Variants in USH2A observed in about 807,000 individuals in gnomAD.
The protein encoded by USH2A is usherin, also known as Usher syndrome 2A (autosomal recessive, mild).
Under a neutral mutation model 538.9 loss-of-function variants are expected in USH2A, and 443 were observed. The ratio of observed to expected loss-of-function variants is 0.82; its 90% confidence interval spans 0.76 to 0.89. The LOEUF (loss-of-function observed/expected upper bound fraction) is 0.89, where lower values mean the gene tolerates loss of function less well. USH2A is among the 40% of genes least tolerant of loss of function. USH2A has a pLI of 0.00. For synonymous variants in USH2A, 2,413 were observed against 2,273.5 expected (o/e 1.06, Z -1.75); for missense variants, 6,633 against 6,324.8 (o/e 1.05, Z -1.65).
intron 43 of USH2A, among the ~76,000 whole-genome samples, chr1:215,868,552 TG>T (rs1363492020): frequency 6.6e-5 from 10 of 152,176 alleles, no homozygotes; most frequent in African/African-American, 9.7e-5. Flanking sequence ...TCTGCTGTAG[TG>T]GGTTGAACTG....
intron 26 of USH2A, among the ~76,000 whole-genome samples, chr1:216,078,593 T>C (rs1255629623): frequency 6.6e-6 from 1 of 152,168 alleles, no homozygotes; most frequent in African/African-American, 2.4e-5. Context: ...TCATACCTAC[T>C]AATGATTATA....
chr1:215,865,327 T>C (rs1280323897), intron 44 of USH2A, among the ~76,000 whole-genome samples: 1 of 152,136 alleles, frequency 6.6e-6, no homozygotes, highest in Non-Finnish European at 1.5e-5. Flanking sequence ...ATCCCGAAGG[T>C]CAGAGGTTCA....
intron 3 of USH2A, among the ~76,000 whole-genome samples, chr1:216,375,038 A>G (rs1456490436): frequency 2.6e-5 from 4 of 152,148 alleles, no homozygotes; most frequent in South Asian, 2.1e-4. Flanking sequence ...TATAGGGAAT[A>G]TGAATATAGA....
Position 215,628,997 on chromosome 1 carries a change from A to C in USH2A, c.15336T>G (p.Pro5112=). Residue 5112 remains proline (P), a synonymous_variant, in exon 71 of 72, where the codon CCT becomes CCG. Coordinates refer to ENST00000307340, the MANE Select transcript of USH2A (RefSeq NM_206933.4). ...CACTCCGGTTGCTGCGGATACTCAC[A>C]GGTGTCCCAGACCGGGGAATTTTGG... ...ADTKIPRSGT[P]VSIRSNRSAC... 1 of 1,613,698 alleles carries C rather than the reference A, an allele frequency of 6.2e-7. No homozygotes were observed. The highest frequency in any genetic ancestry group is 8.5e-7 in the Non-Finnish European group (1 of 1,180,028).
chr1:215,825,773 T>C (rs2102804452), intron 47 of USH2A, among the ~76,000 whole-genome samples: 1 of 152,272 alleles, frequency 6.6e-6, no homozygotes, highest in East Asian at 1.9e-4. Flanking sequence ...AAAGATGAAA[T>C]AAATGTAATA....
At chr1:216,401,784 A>G (rs2039310303) in intron 3 of USH2A, among the ~76,000 whole-genome samples, 1 of 152,088 alleles carries the variant, frequency 6.6e-6, no homozygotes, top group Non-Finnish European at 1.5e-5. Context: ...TAACAACAGA[A>G]CTTTAACATG....
chr1:216,169,246 C>G (rs1350578576), intron 21 of USH2A, among the ~76,000 whole-genome samples: 1 of 152,046 alleles, frequency 6.6e-6, no homozygotes, highest in Non-Finnish European at 1.5e-5. Context: ...AAAACAGATG[C>G]TTTAAGTTAA....
At chr1:215,944,611 C>A (rs1370674795) in intron 37 of USH2A, among the ~76,000 whole-genome samples, 1 of 152,022 alleles carries the variant, frequency 6.6e-6, no homozygotes, top group East Asian at 1.9e-4. Context: ...TAGACAGTCC[C>A]CTAATTCCAC....
At position 216,325,367 on chromosome 1, in the gene USH2A, T is replaced by C; in HGVS notation, c.1081A>G (p.Asn361Asp). The change falls in exon 6 of 72, where the codon AAC (asparagine) becomes GAC (aspartate). Residue 361 changes from asparagine to aspartate, a missense_variant. Transcript: ENST00000307340. ...GTSWVSNVFT[N>D]ITQLNQGVTI... is the part of the protein sequence containing the mutation. The stretch of plus-strand genomic sequence containing the variant: ...ACTCCTTGATTAAGCTGTGTAATGT[T>C]TGTAAACACATTTGAAACCCATGAA... 2 of 1,613,938 alleles carry C rather than the reference T, an allele frequency of 1.2e-6. No homozygotes were observed. The highest frequency in any genetic ancestry group is 8.5e-7 in the Non-Finnish European group (1 of 1,179,878).
intron 37 of USH2A, among the ~76,000 whole-genome samples, chr1:215,959,363 G>A (rs941266538): frequency 2.0e-5 from 3 of 151,884 alleles, no homozygotes; most frequent in African/African-American, 7.3e-5. Context: ...CATTTCATGA[G>A]CATTTAACAA....
At chr1:216,173,474 G>A (rs1446041953) in intron 21 of USH2A, among the ~76,000 whole-genome samples, 1 of 152,144 alleles carries the variant, frequency 6.6e-6, no homozygotes, top group East Asian at 1.9e-4. Flanking sequence ...TCCCTGCCTT[G>A]TCCTTCAAAT....
intron 21 of USH2A, among the ~76,000 whole-genome samples, chr1:216,108,816 C>G (rs990955367): frequency 6.6e-6 from 1 of 151,998 alleles, no homozygotes; most frequent in Non-Finnish European, 1.5e-5. Context: ...TTAGAGCTAT[C>G]ATTTATCTCT....
At chr1:216,184,312 C>T (rs532789468) in intron 20 of USH2A, among the ~76,000 whole-genome samples, 1 of 152,082 alleles carries the variant, frequency 6.6e-6, no homozygotes, top group South Asian at 2.1e-4. Flanking sequence ...TTCGAAGAGG[C>T]TTTGATTTTT....
At chr1:215,915,748 T>A (rs1665936543) in intron 38 of USH2A, among the ~76,000 whole-genome samples, 1 of 151,804 alleles carries the variant, frequency 6.6e-6, no homozygotes. Context: ...ATATGTTTAT[T>A]GCGGCACTAT....
At chr1:215,672,228 C>T (rs753183282) in intron 63 of USH2A, among the ~76,000 whole-genome samples, 1 of 152,070 alleles carries the variant, frequency 6.6e-6, no homozygotes, top group South Asian at 2.1e-4. Flanking sequence ...TCAATTTTCC[C>T]GCAGGCACCC....
chr1:215,685,210 A>T (rs1461316812), intron 61 of USH2A, among the ~76,000 whole-genome samples: 2 of 152,060 alleles, frequency 1.3e-5, no homozygotes, highest in African/African-American at 4.8e-5. Context: ...TGAAAGCCAG[A>T]TAATTTGAGG....
intron 32 of USH2A, among the ~76,000 whole-genome samples, chr1:216,041,461 C>A (rs1399332548): frequency 6.6e-6 from 1 of 152,068 alleles, no homozygotes; most frequent in Non-Finnish European, 1.5e-5. Flanking sequence ...TTGTGCCCCC[C>A]ATGGCAGCAA....
intron 41 of USH2A, among the ~76,000 whole-genome samples, chr1:215,886,400 TAATACTGAAGGAC>T (rs1478612192): frequency 1.5e-4 from 23 of 152,334 alleles, no homozygotes; most frequent in African/African-American, 5.5e-4. Flanking sequence ...TGTGAGCCAA[TAATACTGAAGGAC>T]AGATATGTTA....
intron 37 of USH2A, among the ~76,000 whole-genome samples, chr1:215,947,533 A>G (rs1019391984): frequency 6.6e-6 from 1 of 152,214 alleles, no homozygotes; most frequent in African/African-American, 2.4e-5. Flanking sequence ...AGAAAACCTC[A>G]TTGTTCAAAG....
Sources: gnomAD v4.1 joint callset for allele counts (sites outside exome capture counted in the v4.1 genomes callset) on GRCh38, gnomAD v4.1.1 for gene constraint, MANE v1.5 for transcripts, NCBI Gene and HGNC (gene_info 2026-07-23, HGNC 2026-07-21) for gene names.